The following MAPK4 variants were observed in gnomAD, a reference collection of about 807,000 sequenced individuals.
MAPK4 encodes Erk3-related.
A neutral mutation model predicts 47.7 loss-of-function variants in MAPK4; 22 were observed. That is an observed-to-expected ratio of 0.46 (90% CI 0.33 to 0.66). The LOEUF is 0.66. Ranked by LOEUF, MAPK4 falls within the 30% of genes least tolerant of loss-of-function variation. The pLI is 0.02. For synonymous variants in MAPK4, 390 were observed against 365.7 expected (o/e 1.07, Z -0.76); for missense variants, 736 against 831.7 (o/e 0.88, Z 1.42).
chr18:50,634,157 A>T (rs145190479), intron 1 of MAPK4, among the ~76,000 whole-genome samples: 1 of 152,030 alleles, frequency 6.6e-6, no homozygotes, highest in Non-Finnish European at 1.5e-5. Context: ...CTCCCTTCCT[A>T]TCAGGACTGG....
At chr18:50,600,737 A>G (rs571072241) in intron 1 of MAPK4, among the ~76,000 whole-genome samples, 1 of 152,300 alleles carries the variant, frequency 6.6e-6, no homozygotes, top group South Asian at 2.1e-4. Flanking sequence ...ACATTTATCA[A>G]TAAGTGTCTT....
rs187038846 is a variant in MAPK4, at chr18:50,685,876, A to T, written c.546+21372A>T. Among the ~76,000 whole-genome samples the T allele has an allele frequency of 2.0e-5, 3 of 150,560 alleles. No individual in the cohort carries two copies. The East Asian group carries it at 5.9e-4, about 30-fold the overall frequency. On this transcript the variant is annotated intron_variant, in intron 2 of 5. Transcript: ENST00000400384. ...TGGAGCATGCTGTTTTCTCGGTGGC[A>T]CTGATCTGCTGCCTTCACAGAGAGT... is the stretch of plus-strand genomic sequence containing the variant.
At chr18:50,709,201 G>A (rs973128122) in intron 2 of MAPK4, among the ~76,000 whole-genome samples, 3 of 152,232 alleles carry the variant, frequency 2.0e-5, no homozygotes, top group Admixed American at 6.5e-5. Context: ...GAGGGCTCCT[G>A]GGAACCCAGT....
chr18:50,586,599 T>C (rs1208407449), intron 1 of MAPK4, among the ~76,000 whole-genome samples: 5 of 152,046 alleles, frequency 3.3e-5, no homozygotes, highest in African/African-American at 9.7e-5. Context: ...AATAATGATA[T>C]AACTTTTATG....
intron 1 of MAPK4, among the ~76,000 whole-genome samples, chr18:50,635,633 A>G (rs2042878900): frequency 1.3e-5 from 2 of 152,282 alleles, no homozygotes; most frequent in Admixed American, 6.5e-5. Flanking sequence ...TAGGAGACCA[A>G]ACTCCTTAAT....
At chr18:50,667,313 A>G (rs16952366) in intron 2 of MAPK4, among the ~76,000 whole-genome samples, 2,579 of 152,240 alleles carry the variant, frequency 0.017, 69 homozygotes, top group African/African-American at 0.058. Flanking sequence ...ATGGCCCTCA[A>G]TCAATTTTGT....
At chr18:50,609,411 G>A (rs1472059924) in intron 1 of MAPK4, among the ~76,000 whole-genome samples, 7 of 151,546 alleles carry the variant, frequency 4.6e-5, no homozygotes, top group East Asian at 2.0e-4. Context: ...CCTCCCGGAC[G>A]GGGCGGCGAG....
intron 1 of MAPK4, among the ~76,000 whole-genome samples, chr18:50,602,680 G>T (rs890548106): frequency 9.2e-5 from 14 of 152,266 alleles, no homozygotes; most frequent in African/African-American, 3.4e-4. Context: ...TTAGCATAAG[G>T]TATGTGAGAA....
In MAPK4 at chr18:50,729,422, C is replaced by T. The variant is rs1237187595; in HGVS notation, c.1332C>T (p.Arg444=). The change falls in exon 6 of 6, where the codon CGC becomes CGT. Residue 444 remains arginine, a synonymous_variant. Coordinates refer to ENST00000400384, the MANE Select transcript of MAPK4 (RefSeq NM_002747.4). ...CCTACCTGGACAAGCTGCTGTGGCG[C>T]GACAACAAGCCGCACCACTACTCGG... ...SPSYLDKLLW[R]DNKPHHYSEP... 2 of 1,549,348 alleles carry T rather than the reference C, an allele frequency of 1.3e-6. No individual in the cohort carries two copies. The highest frequency in any genetic ancestry group is 1.7e-6 in the Non-Finnish European group (2 of 1,148,024).
At chr18:50,562,918 T>TCAGA (rs1039400179) in intron 1 of MAPK4, among the ~76,000 whole-genome samples, 19 of 152,308 alleles carry the variant, frequency 1.2e-4, no homozygotes, top group African/African-American at 4.6e-4. Flanking sequence ...TTTTCTCTTA[T>TCAGA]CAGACATTGA....
Position 50,664,288 on chromosome 18 carries a change from C to T in MAPK4, c.330C>T (p.Thr110=), listed in dbSNP as rs55888637. The stretch of plus-strand genomic sequence containing the variant: ...ACATCGTCCAGGAGTACATGGAGAC[C>T]GACCTGGCACGCCTGCTGGAGCAGG... The part of the protein sequence containing the change: ...VAYIVQEYME[T]DLARLLEQGT... Residue 110 remains threonine (T), a synonymous_variant, in exon 2 of 6, where the codon ACC becomes ACT. Coordinates refer to ENST00000400384, the MANE Select transcript of MAPK4 (RefSeq NM_002747.4). The surrounding 1 kb of genome is among the most constrained non-coding windows in gnomAD (Gnocchi z 6.0). The T allele has an allele frequency of 5.5e-5, 89 of 1,613,274 alleles. No individual in the cohort carries two copies. The highest frequency in any genetic ancestry group is 7.0e-5 in the Non-Finnish European group (83 of 1,179,694).
At chr18:50,716,716 C>T (rs1331075204) in intron 3 of MAPK4, among the ~76,000 whole-genome samples, 4 of 152,132 alleles carry the variant, frequency 2.6e-5, no homozygotes, top group Non-Finnish European at 5.9e-5. Flanking sequence ...GTGCTTGCAG[C>T]CCCGCCCTGT....
intron 5 of MAPK4, 96 bp from the exon 6 acceptor site, chr18:50,729,062 G>A (rs1911362571): frequency 7.5e-6 from 8 of 1,067,758 alleles, no homozygotes; most frequent in Non-Finnish European, 1.1e-5. Flanking sequence ...TCGAAGGCAG[G>A]TGTGTGAGTG....
At chr18:50,592,421 C>T (rs79452990) in intron 1 of MAPK4, among the ~76,000 whole-genome samples, 2,816 of 152,282 alleles carry the variant, frequency 0.018, 43 homozygotes, top group Non-Finnish European at 0.028. Context: ...CAAAGCCATT[C>T]CCCCTCGCTA....
intron 2 of MAPK4, among the ~76,000 whole-genome samples, chr18:50,681,556 T>G (rs890087325): frequency 6.6e-6 from 1 of 152,230 alleles, no homozygotes; most frequent in Non-Finnish European, 1.5e-5. Flanking sequence ...TTTTAGCTCT[T>G]CAGTTTAGGT....
At chr18:50,571,162 A>G (rs1177326694) in intron 1 of MAPK4, among the ~76,000 whole-genome samples, 3 of 152,148 alleles carry the variant, frequency 2.0e-5, no homozygotes, top group Admixed American at 6.5e-5. Flanking sequence ...AGACCACCGT[A>G]TACCATGGAG....
chr18:50,573,669 T>C (rs1204559915), intron 1 of MAPK4, among the ~76,000 whole-genome samples: 3 of 152,186 alleles, frequency 2.0e-5, no homozygotes, highest in African/African-American at 7.2e-5. Flanking sequence ...TTGTCTTCCA[T>C]GAAATTGGTA....
At chr18:50,643,815 G>A (rs2042963432) in intron 1 of MAPK4, among the ~76,000 whole-genome samples, 1 of 152,144 alleles carries the variant, frequency 6.6e-6, no homozygotes, top group African/African-American at 2.4e-5. Context: ...TGGGGCTGAC[G>A]GCATCCTCCA....
chr18:50,575,966 T>A (rs531942666), intron 1 of MAPK4, among the ~76,000 whole-genome samples: 1 of 152,300 alleles, frequency 6.6e-6, no homozygotes, highest in African/African-American at 2.4e-5. Context: ...CCAGTCAGAA[T>A]GGCTATTATT....
Sources: allele counts gnomAD v4.1 joint callset (sites outside exome capture counted in the v4.1 genomes callset), GRCh38; gene constraint gnomAD v4.1.1; non-coding constraint Gnocchi (gnomAD v3.1); transcripts MANE v1.5; gene names NCBI Gene and HGNC (gene_info 2026-07-23, HGNC 2026-07-21).